The following TMEM205 variants were observed in gnomAD, a reference collection of about 807,000 sequenced individuals.
TMEM205 encodes the protein MBC3205.
In TMEM205, 11 loss-of-function variants were observed where a neutral mutation model predicts 17.9. The ratio of observed to expected loss-of-function variants is 0.61; its 90% CI spans 0.39 to 1.02. TMEM205 has a LOEUF of 1.02. Among genes scored for constraint, TMEM205 ranks in the 50% least tolerant of loss-of-function variants. TMEM205 has a pLI of 0.01. For missense variants in TMEM205, 236 were observed against 239.4 expected, an observed-to-expected ratio of 0.99 and a Z score of 0.09; for synonymous variants, 86 against 97.4, an observed-to-expected ratio of 0.88 and a Z score of 0.69.
upstream of TMEM205, chr19:11,346,421 C>A (rs1294120727): frequency 4.4e-6 from 3 of 684,244 alleles, no homozygotes; most frequent in Non-Finnish European, 7.6e-6. Context: ...CCAATTACGC[C>A]GCGGCTACTA....
At chr19:11,345,073 G>T in intron 2 of TMEM205, 179 bp downstream of exon 2, 1 of 585,970 alleles carries the variant, frequency 1.7e-6, no homozygotes, top group Non-Finnish European at 2.9e-6. Context: ...GGTCAGGCTG[G>T]TCTTGAACTC....
chr19:11,343,363 G>T (rs190504696), intron 2 of TMEM205, among the ~76,000 whole-genome samples: 1 of 152,060 alleles, frequency 6.6e-6, no homozygotes, highest in Non-Finnish European at 1.5e-5. Flanking sequence ...CTATCCCCCC[G>T]CAAAACCTCC....
Position 11,342,902 on chromosome 19 carries a change from A to G in TMEM205, c.483T>C (p.His161=), listed in dbSNP as rs200908964. The G allele has an allele frequency of 1.2e-6, 2 of 1,614,194 alleles. No individual in the cohort carries two copies. Among genetic ancestry groups the G allele is most frequent in the Admixed American group, 3.3e-5 (2 of 60,014 alleles). The change falls in exon 3 of 3, where the codon CAT becomes CAC. Residue 161 remains histidine, a synonymous_variant. Transcript: ENST00000354882. ...CCAGATTGCAAAGAGAGGACAGCCC[A>G]TGGTAGCGGAAGAAATTCTGGCGGA... ...SALRQNFFRY[H]GLSSLCNLGC... is the part of the protein sequence containing the mutation.
At chr19:11,346,278 A>G, upstream of TMEM205, 1 of 416,420 alleles carries the variant, frequency 2.4e-6, no homozygotes, top group Middle Eastern at 6.6e-4. Flanking sequence ...CCCCCAACCA[A>G]TAATTCGTCC....
intron 2 of TMEM205, 139 bp from the exon 3 acceptor site, chr19:11,343,259 T>G: frequency 1.2e-6 from 1 of 869,474 alleles, no homozygotes; most frequent in Non-Finnish European, 1.7e-6. Context: ...TCCCCCTCTT[T>G]CCTTGAACCC....
upstream of TMEM205, chr19:11,346,320 T>A (rs574053491): frequency 2.0e-5 from 10 of 505,422 alleles, no homozygotes; most frequent in East Asian, 2.6e-4. Flanking sequence ...GCCAATCGGG[T>A]CGTAGATCTG....
At chr19:11,346,422 G>A, upstream of TMEM205, 3 of 678,120 alleles carry the variant, frequency 4.4e-6, no homozygotes, top group Non-Finnish European at 5.1e-6. Context: ...CAATTACGCC[G>A]CGGCTACTAA....
In TMEM205 at chr19:11,345,329, C is replaced by A; in HGVS notation, c.187G>T (p.Gly63Cys). 6.2e-7 allele frequency: 1 copy of A among 1,614,128 alleles called. No homozygotes were observed. Among genetic ancestry groups the A allele is most frequent in the Non-Finnish European group, 8.5e-7 (1 of 1,180,032 alleles). Residue 63 changes from glycine (G) to cysteine (C), a missense_variant, in exon 2 of 3, where the codon GGC becomes TGC. Transcript: ENST00000354882. The stretch of plus-strand genomic sequence containing the variant: ...ATGCAGAGGTTGATGAAGGCACAGC[C>A]CATGGAGATGTGGAAGTAGAAGGGG... Reference protein sequence around the residue: ...LFPFYFHISMGCAFINLCILA... With the variant: ...LFPFYFHISMCCAFINLCILA...
chr19:11,345,466 C>G (rs764702747), intron 1 of TMEM205, 51 bp from the exon 2 acceptor site: 48 of 1,613,856 alleles, frequency 3.0e-5, no homozygotes, highest in Non-Finnish European at 3.8e-5. Context: ...CGGTTCCCCT[C>G]TTATTTCCAT....
At chr19:11,344,371 AAC>A (rs529892709) in intron 2 of TMEM205, among the ~76,000 whole-genome samples, 298 of 152,244 alleles carry the variant, frequency 2.0e-3, no homozygotes, top group African/African-American at 7.1e-3. Flanking sequence ...AGGAAAAAAA[AAC>A]AGTCTGTGAA....
At position 11,345,425 on chromosome 19, in the gene TMEM205, A is replaced by T. The variant is rs1364445614; in HGVS notation, c.101-10T>A. On this transcript the variant is annotated splice_polypyrimidine_tract_variant and intron_variant, in intron 1 of 2. Transcript: ENST00000354882. The stretch of plus-strand genomic sequence containing the variant: ...CGGAAAAGCAGGAAGCCTGCAGGGT[A>T]TGGGGACCACAGGGGTGTTAGGGCA... The T allele has an allele frequency of 6.2e-7, 1 of 1,614,128 alleles. No homozygotes were observed. Among genetic ancestry groups the T allele is most frequent in the Non-Finnish European group, 8.5e-7 (1 of 1,180,012 alleles).
Position 11,346,062 on chromosome 19 carries a change from A to T in TMEM205, c.-443T>A, listed in dbSNP as rs945900038. 1 of 232,128 alleles carries T rather than the reference A, an allele frequency of 4.3e-6. No individual in the cohort carries two copies. The highest frequency in any genetic ancestry group is 5.5e-5 in the Admixed American group (1 of 18,226). The allele number at this position is 232,128 out of a possible 1,614,324, so 14.4% of individuals were successfully genotyped here. A position where few individuals can be genotyped will look rare whatever the true frequency, so the allele number is the denominator to read the frequency against. On this transcript the variant is annotated 5_prime_UTR_variant, in exon 1 of 3. Coordinates refer to ENST00000354882, the MANE Select transcript of TMEM205 (RefSeq NM_198536.3). ...CGAGGAAACCCTAAATCTCATCCTG[A>T]GGACACCGATCCCACCAAAGCCCCG...
At position 11,345,155 on chromosome 19, in the gene TMEM205, CT is replaced by C. The variant is rs576069019; in HGVS notation, c.264+96del. The stretch of plus-strand genomic sequence containing the variant: ...ACAGGCGTGAGCCACCATGCCTAGC[CT>C]TTTTTTTTCCCCCCCTGGAAAAGGT... On this transcript the variant is annotated intron_variant, in intron 2 of 2. Transcript: ENST00000354882. 1.5e-3 allele frequency: 1,956 copies of C among 1,338,098 alleles called. 4 individuals carry two copies. The highest frequency in any genetic ancestry group is 7.5e-3 in the African/African-American group (499 of 66,514). 82.9% of individuals were successfully genotyped at this position (1,338,098 alleles called of 1,614,324 possible). A position where few individuals can be genotyped will look rare whatever the true frequency, so the allele number is the denominator to read the frequency against.
chr19:11,345,676 C>T lies in TMEM205; in HGVS notation c.-57G>A, dbSNP rs372873311. 8.7e-6 allele frequency: 14 copies of T among 1,605,482 alleles called. No homozygotes were observed. Among genetic ancestry groups the T allele is most frequent in the Admixed American group, 1.7e-5 (1 of 58,644 alleles). ...CTCAGAACTTTACCTTTGCCTCATG[C>T]GTGGCCTTCAGACCCTGTGAGCCCG... On this transcript the variant is annotated 5_prime_UTR_variant, in exon 1 of 3. Transcript: ENST00000354882.
chr19:11,345,665 T>G lies in TMEM205; in HGVS notation c.-46A>C. The G allele has an allele frequency of 6.2e-7, 1 of 1,610,762 alleles. No homozygotes were observed. Among genetic ancestry groups the G allele is most frequent in the East Asian group, 2.2e-5 (1 of 44,822 alleles). ...GCACCGGGTGGCTCAGAACTTTACC[T>G]TTGCCTCATGCGTGGCCTTCAGACC... On this transcript the variant is annotated 5_prime_UTR_variant, in exon 1 of 3. Transcript: ENST00000354882.
Position 11,345,517 on chromosome 19 carries a change from T to G in TMEM205, c.100+3A>C. On this transcript the variant is annotated splice_donor_region_variant and intron_variant, in intron 1 of 2. Coordinates refer to ENST00000354882, the MANE Select transcript of TMEM205 (RefSeq NM_198536.3). ...CCATGACATCCAAGCTGAGGGTCCCTACCTGAGACGAAGGTCACCCACATT... is the reference window on the plus strand; with the variant it reads ...CCATGACATCCAAGCTGAGGGTCCCGACCTGAGACGAAGGTCACCCACATT... 1 of 1,614,100 alleles carries G rather than the reference T, an allele frequency of 6.2e-7. No individual in the cohort carries two copies. The highest frequency in any genetic ancestry group is 1.3e-5 in the African/African-American group (1 of 75,022).
upstream of TMEM205, chr19:11,346,353 G>T: frequency 1.7e-6 from 1 of 575,550 alleles, no homozygotes; most frequent in Non-Finnish European, 3.0e-6. Context: ...CCGCCCTCCT[G>T]GGTATTGACT....
At chr19:11,344,368 A>C (rs1967061336) in intron 2 of TMEM205, among the ~76,000 whole-genome samples, 1 of 152,140 alleles carries the variant, frequency 6.6e-6, no homozygotes, top group Non-Finnish European at 1.5e-5. Flanking sequence ...AAAAGGAAAA[A>C]AAAACAGTCT....
upstream of TMEM205, chr19:11,346,481 A>T: frequency 1.7e-6 from 2 of 1,159,744 alleles, no homozygotes; most frequent in South Asian, 1.3e-5. Context: ...CTACTCCGGC[A>T]GGGGCGGAAC....
Sources: gnomAD v4.1 joint callset for allele counts (sites outside exome capture counted in the v4.1 genomes callset) on GRCh38, gnomAD v4.1.1 for gene constraint, MANE v1.5 for transcripts, NCBI Gene and HGNC (gene_info 2026-07-23, HGNC 2026-07-21) for gene names.